GRM7: variants seen among roughly 807,000 people sequenced by gnomAD.
GRM7 encodes the protein glutamate metabotropic receptor 7.
A neutral mutation model predicts 84.5 loss-of-function variants in GRM7; 35 were observed. The ratio of observed to expected loss-of-function variants is 0.41; its 90% CI spans 0.32 to 0.55. The LOEUF (loss-of-function observed/expected upper bound fraction) is 0.55, where lower values mean the gene tolerates loss of function less well. Ranked by LOEUF, GRM7 falls within the 20% of genes least tolerant of loss-of-function variation. The probability of loss-of-function intolerance (pLI) is 0.19; values close to 1 mark genes in which losing one functional copy is unlikely to be tolerated. For missense variants in GRM7, 1,003 were observed against 1,194.6 expected, an observed-to-expected ratio of 0.84 and a Z score of 2.36; for synonymous variants, 487 against 455.1, an observed-to-expected ratio of 1.07 and a Z score of -0.89.
chr3:7,550,494 TCTC>T (rs1202418741), intron 7 of GRM7, among the ~76,000 whole-genome samples: 13 of 141,392 alleles, frequency 9.2e-5, no homozygotes, highest in African/African-American at 2.9e-4. Context: ...CTTTCCTTTC[TCTC>T]CTCCTCTTCC....
rs987466279 is a variant in GRM7 at position 7,667,932 on chromosome 3, A to G, written c.2452-12117A>G. ...GTCATGGCAACCATTTCATTTTTCTATTGTGAGGAGACAATTAGGTGCTAA... is the reference window on the plus strand; with the variant it reads ...GTCATGGCAACCATTTCATTTTTCTGTTGTGAGGAGACAATTAGGTGCTAA... On this transcript the variant is annotated intron_variant, in intron 8 of 9. Transcript: ENST00000357716. 3.3e-5 allele frequency among the ~76,000 whole-genome samples: 5 copies of G among 151,466 alleles called. No homozygotes were observed. The East Asian group carries it at 5.8e-4, about 18-fold the overall frequency.
intron 1 of GRM7, among the ~76,000 whole-genome samples, chr3:7,140,390 G>A (rs1443078973): frequency 1.3e-5 from 2 of 151,926 alleles, no homozygotes; most frequent in Non-Finnish European, 2.9e-5. Flanking sequence ...TGAATTGTAA[G>A]CCATTCTAAC....
intron 7 of GRM7, among the ~76,000 whole-genome samples, chr3:7,553,843 G>A (rs1032267373): frequency 2.0e-5 from 3 of 152,142 alleles, no homozygotes; most frequent in African/African-American, 7.2e-5. Flanking sequence ...GGGACACAAA[G>A]CCTAACCCAT....
chr3:7,186,003 G>A (rs959001250), intron 2 of GRM7, among the ~76,000 whole-genome samples: 1 of 152,098 alleles, frequency 6.6e-6, no homozygotes, highest in African/African-American at 2.4e-5. Flanking sequence ...AACTAAAATT[G>A]CATGTCAAGA....
chr3:7,426,757 C>T (rs556244354), intron 5 of GRM7, among the ~76,000 whole-genome samples: 45 of 152,140 alleles, frequency 3.0e-4, no homozygotes, highest in Non-Finnish European at 4.6e-4. Flanking sequence ...TCTTCACATC[C>T]CCAGCCCTAG....
At chr3:7,379,853 A>G (rs1694513858) in intron 4 of GRM7, among the ~76,000 whole-genome samples, 1 of 152,116 alleles carries the variant, frequency 6.6e-6, no homozygotes, top group South Asian at 2.1e-4. Context: ...ATTCCCACAG[A>G]GGGTGAAGCT....
intron 8 of GRM7, among the ~76,000 whole-genome samples, chr3:7,665,950 T>A (rs1158454241): frequency 6.6e-6 from 1 of 152,216 alleles, no homozygotes; most frequent in East Asian, 1.9e-4. Flanking sequence ...CCTTATTCAT[T>A]CAAAAATTAT....
chr3:6,890,493 A>G (rs1695889079), intron 1 of GRM7, among the ~76,000 whole-genome samples: 1 of 152,148 alleles, frequency 6.6e-6, no homozygotes, highest in East Asian at 1.9e-4. Context: ...TTATGTAGCC[A>G]GTAGTCATTT....
At chr3:7,393,766 CTAG>C (rs1175369851) in intron 4 of GRM7, among the ~76,000 whole-genome samples, 2 of 152,116 alleles carry the variant, frequency 1.3e-5, no homozygotes, top group Non-Finnish European at 2.9e-5. Context: ...TCTTATCACA[CTAG>C]TAGCTTTTTT....
chr3:7,268,426 A>C (rs1394561253), intron 2 of GRM7, among the ~76,000 whole-genome samples: 3 of 152,162 alleles, frequency 2.0e-5, no homozygotes, highest in African/African-American at 7.2e-5. Context: ...ACTGCACTCC[A>C]GCCTGGGTGA....
intron 7 of GRM7, among the ~76,000 whole-genome samples, chr3:7,525,238 A>C (rs1308301845): frequency 6.6e-6 from 1 of 152,080 alleles, no homozygotes; most frequent in Non-Finnish European, 1.5e-5. Flanking sequence ...GACATTGTGC[A>C]CATGTACCCT....
chr3:7,574,380 G>C (rs1356671435), intron 7 of GRM7, among the ~76,000 whole-genome samples: 2 of 152,056 alleles, frequency 1.3e-5, no homozygotes. Context: ...GGCTGGTCTT[G>C]AATTCCTGAC....
intron 2 of GRM7, among the ~76,000 whole-genome samples, chr3:7,255,434 A>C (rs1481843222): frequency 6.6e-6 from 1 of 152,238 alleles, no homozygotes; most frequent in Non-Finnish European, 1.5e-5. Flanking sequence ...CTTCATGCAT[A>C]AAGTAAGGAA....
chr3:6,966,222 T>A lies in GRM7; in HGVS notation c.519+104315T>A, dbSNP rs9881506. Reference sequence around the variant, plus strand: ...TTTATGTATTTTGGTGGCATCGTTTTAATCTTCTTCCTTATCAGACCACAT... The same window carrying A: ...TTTATGTATTTTGGTGGCATCGTTTAAATCTTCTTCCTTATCAGACCACAT... On this transcript the variant is annotated intron_variant, in intron 1 of 9. Transcript: ENST00000357716. 4.8e-3 allele frequency among the ~76,000 whole-genome samples: 737 copies of A among 152,334 alleles called. 11 individuals are homozygous for A. Among genetic ancestry groups the A allele is most frequent in the African/African-American group, 0.017 (693 of 41,560 alleles).
At position 7,687,988 on chromosome 3, in the gene GRM7, C is replaced by T. The variant is rs116777967; in HGVS notation, c.2698+7693C>T. Among the ~76,000 whole-genome samples the T allele has an allele frequency of 3.4e-3, 523 of 152,138 alleles. 3 individuals carry two copies. The highest frequency in any genetic ancestry group is 0.012 in the African/African-American group (487 of 41,510). ...CCCAGTGAATATGTAACTGTATTCC[C>T]GTGAGATTTCAAGTTTTTTTTGTAG... On this transcript the variant is annotated intron_variant, in intron 9 of 9. Transcript: ENST00000357716.
chr3:7,622,645 G>C (rs1367642051), intron 8 of GRM7, among the ~76,000 whole-genome samples: 1 of 152,084 alleles, frequency 6.6e-6, no homozygotes, highest in African/African-American at 2.4e-5. Context: ...AGAAGGCTTA[G>C]CTAGGGTTCA....
intron 2 of GRM7, among the ~76,000 whole-genome samples, chr3:7,263,711 T>G (rs73809044): frequency 0.024 from 3,689 of 152,148 alleles, 147 homozygotes; most frequent in African/African-American, 0.084. Flanking sequence ...ATGCCTAGTT[T>G]CGTGCTGGTA....
At chr3:7,659,576 C>T (rs1699347689) in intron 8 of GRM7, among the ~76,000 whole-genome samples, 1 of 152,098 alleles carries the variant, frequency 6.6e-6, no homozygotes, top group African/African-American at 2.4e-5. Flanking sequence ...AAGTAATCAC[C>T]CATTGGAAGC....
At chr3:7,324,314 A>G (rs796306525) in intron 4 of GRM7, among the ~76,000 whole-genome samples, 2 of 152,338 alleles carry the variant, frequency 1.3e-5, no homozygotes, top group African/African-American at 4.8e-5. Context: ...CATTTAAGGA[A>G]GAAGTGGAGG....
Sources: allele counts gnomAD v4.1 joint callset (sites outside exome capture counted in the v4.1 genomes callset), GRCh38; gene constraint gnomAD v4.1.1; transcripts MANE v1.5; gene names NCBI Gene and HGNC (gene_info 2026-07-23, HGNC 2026-07-21).